Variants in PRAMEF14 observed in about 807,000 individuals in gnomAD.
PRAMEF14 encodes PRAME family member 14.
A neutral mutation model predicts 38.3 loss-of-function variants in PRAMEF14; 24 were observed. That is an observed-to-expected ratio of 0.63 (90% CI 0.45 to 0.88). The LOEUF is 0.88. PRAMEF14 is among the 40% of genes least tolerant of loss of function. The pLI is 0.00. For synonymous variants in PRAMEF14, 194 were observed against 226.4 expected, an observed-to-expected ratio of 0.86 and a Z score of 1.29; for missense variants, 477 against 570.8, an observed-to-expected ratio of 0.84 and a Z score of 1.67.
chr1:13,343,633 G>C, intron 3 of PRAMEF14: 3 of 1,321,190 alleles, frequency 2.3e-6, no homozygotes, highest in Non-Finnish European at 3.0e-6. Flanking sequence ...TCACTAAGCC[G>C]GTGAGGACAG....
Position 13,342,535 on chromosome 1 carries a change from C to A in PRAMEF14, c.1418G>T (p.Cys473Phe). The change falls in exon 4 of 4, where the codon TGC (cysteine) becomes TTC (phenylalanine). Residue 473 changes from cysteine (C) to phenylalanine (F), a missense_variant. Physicochemically the swap from Cys to Phe is radical, Grantham distance 205. Transcript: ENST00000334600. ...SPSEELELHL[C>F]C is the part of the protein sequence containing the mutation. ...CCGCTAGGCACGCCTTCCCTAGCAG[C>A]AAAGATGGAGCTCCAGTTCCTCAGA... 6.2e-7 allele frequency: 1 copy of A among 1,604,850 alleles called. No individual in the cohort carries two copies. Among genetic ancestry groups the A allele is most frequent in the Non-Finnish European group, 8.5e-7 (1 of 1,177,154 alleles).
In PRAMEF14 at chr1:13,343,681, C is replaced by A. The variant is rs1426714112; in HGVS notation, c.866+357G>T. On this transcript the variant is annotated intron_variant, in intron 3 of 3. Transcript: ENST00000334600. ...GAAATGGACAGGTTTGATGCGCTTT[C>A]CCTCCTTTCATACCCTCCTCTATTA... 56 of 1,343,412 alleles carry A rather than the reference C, an allele frequency of 4.2e-5. No homozygotes were observed. In the African/African-American group the frequency reaches 7.4e-4, roughly 18 times the overall value. The allele number at this position is 1,343,412 out of a possible 1,614,324, so 83.2% of individuals were successfully genotyped here.
chr1:13,342,799 C>T lies in PRAMEF14; in HGVS notation c.1154G>A (p.Gly385Asp). 2.5e-6 allele frequency: 4 copies of T among 1,606,566 alleles called. 1 individual carries two copies. Among genetic ancestry groups the T allele is most frequent in the East Asian group, 4.7e-5 (2 of 42,150 alleles). The stretch of plus-strand genomic sequence containing the variant: ...GGCACCCATAGACATACAATTTCTG[C>T]CAAAGTAGAAGGTGGTGAGCTGGGA... ...HCSQLTTFYF[G>D]RNCMSMGALK... is the part of the protein sequence containing the mutation. The change falls in exon 4 of 4, where the codon GGC becomes GAC. Residue 385 changes from glycine (G) to aspartate (D), a missense_variant. Physicochemically the swap from Gly to Asp is moderately conservative, Grantham distance 94. Around this residue, in one of 4 missense-constraint regions of PRAMEF14, gnomAD observed 151 missense variants for 137.4 expected, o/e 1.10. Coordinates refer to ENST00000334600, the MANE Select transcript of PRAMEF14 (RefSeq NM_001024661.2).
rs1219856793 is a variant in PRAMEF14, at chr1:13,344,451, T to G, written c.453A>C (p.Ile151=). ...GGGGTATTTCCTTGAGGCAGATGTC[T>G]ATGAACACCTTTAAGGGCTGGTGCT... ...MGEHQPLKVF[I]DICLKEIPQD... is the part of the protein sequence containing the mutation. Residue 151 remains isoleucine, a synonymous_variant, in exon 3 of 4, where the codon ATA becomes ATC. Transcript: ENST00000334600. 10 of 1,606,862 alleles carry G rather than the reference T, an allele frequency of 6.2e-6. No homozygotes were observed. Among genetic ancestry groups the G allele is most frequent in the Non-Finnish European group, 8.5e-6 (10 of 1,178,728 alleles).
intron 3 of PRAMEF14, chr1:13,343,837 C>A (rs1640364769): frequency 3.4e-6 from 5 of 1,492,122 alleles, no homozygotes; most frequent in South Asian, 1.3e-5. Context: ...CCCCAGGTGA[C>A]CCCTCTGCCC....
chr1:13,344,419 T>G lies in PRAMEF14; in HGVS notation c.485A>C (p.Glu162Ala). 6.2e-7 allele frequency: 1 copy of G among 1,604,702 alleles called. No individual in the cohort carries two copies. Among genetic ancestry groups the G allele is most frequent in the Non-Finnish European group, 8.5e-7 (1 of 1,177,078 alleles). Residue 162 changes from glutamate (E) to alanine (A), a missense_variant, in exon 3 of 4, where the codon GAA becomes GCA. Physicochemically the swap from Glu to Ala is moderately radical, Grantham distance 107. This residue lies in a region of PRAMEF14 where 234 missense variants were observed against 247.4 expected (regional missense o/e 0.95). Coordinates refer to ENST00000334600, the MANE Select transcript of PRAMEF14 (RefSeq NM_001024661.2). The stretch of plus-strand genomic sequence containing the variant: ...CCACTGAAAGAGGTATCTCAGGCAT[T>G]CATCCTGGGGTATTTCCTTGAGGCA... ...DICLKEIPQD[E>A]CLRYLFQWVY...
chr1:13,343,533 C>T (rs1328427407), intron 3 of PRAMEF14: 1 of 1,306,348 alleles, frequency 7.7e-7, no homozygotes, highest in African/African-American at 1.5e-5. Context: ...ACCTCCATCC[C>T]AGAAGCACAC....
rs765957919 is a variant in PRAMEF14, at chr1:13,342,882, C to T, written c.1071G>A (p.Glu357=). ...IAASLETLIL[E]GCQIHYSQLS... The stretch of plus-strand genomic sequence containing the variant: ...GTTGGGAGTAGTGGATCTGACAGCC[C>T]TCCAAGATGAGGGTTTCGAGAGAGG... The change falls in exon 4 of 4, where the codon GAG becomes GAA. Residue 357 remains glutamate (E), a synonymous_variant. Transcript: ENST00000334600. 7 of 1,608,864 alleles carry T rather than the reference C, an allele frequency of 4.4e-6. No homozygotes were observed. Among genetic ancestry groups the T allele is most frequent in the Non-Finnish European group, 5.9e-6 (7 of 1,178,900 alleles).
rs61745368 is a variant in PRAMEF14, at chr1:13,342,588, G to A, written c.1365C>T (p.Thr455=). ...GTGATGAGCCACAGGAAGGGCAGGG[G>A]GTGGGACCAATGAAGATCCTCTTGG... ...RQPKRIFIGP[T]PCPSCGSSPS... is the part of the protein sequence containing the mutation. Residue 455 remains threonine, a synonymous_variant, in exon 4 of 4, where the codon ACC becomes ACT. Coordinates refer to ENST00000334600, the MANE Select transcript of PRAMEF14 (RefSeq NM_001024661.2). 42 of 1,604,502 alleles carry A rather than the reference G, an allele frequency of 2.6e-5. 3 individuals are homozygous for A. Among genetic ancestry groups the A allele is most frequent in the Non-Finnish European group, 3.4e-5 (40 of 1,177,504 alleles).
Position 13,345,296 on chromosome 1 carries a change from G to T in PRAMEF14, c.19C>A (p.Pro7Thr). Reference sequence around the variant, plus strand: ...TGCCCTGCCAGCTCCAGGAGTCTGGGTGGGGCCTGGATGCTCATCCTGATA... The same window carrying T: ...TGCCCTGCCAGCTCCAGGAGTCTGGTTGGGGCCTGGATGCTCATCCTGATA... MSIQAP[P>T]RLLELAGQSL... The change falls in exon 2 of 4, where the codon CCC (proline) becomes ACC (threonine). Residue 7 changes from proline (P) to threonine (T), a missense_variant. By Grantham distance (38) the Pro-to-Thr change is conservative. Transcript: ENST00000334600. 1 of 1,607,100 alleles carries T rather than the reference G, an allele frequency of 6.2e-7. No homozygotes were observed. Among genetic ancestry groups the T allele is most frequent in the Non-Finnish European group, 8.5e-7 (1 of 1,178,468 alleles).
In PRAMEF14 at chr1:13,344,563, G is replaced by A; in HGVS notation, c.341C>T (p.Ala114Val). Residue 114 changes from alanine to valine, a missense_variant, in exon 3 of 4, where the codon GCC becomes GTC. Physicochemically the swap from Ala to Val is moderately conservative, Grantham distance 64. This residue lies in a region of PRAMEF14 where 234 missense variants were observed against 247.4 expected (regional missense o/e 0.95). Transcript: ENST00000334600. ...DLRDVDENFWARWPGAWALSC... is the reference protein window; with the variant it reads ...DLRDVDENFWVRWPGAWALSC... The stretch of plus-strand genomic sequence containing the variant: ...CAGGGCCCAGGCTCCAGGCCATCTG[G>A]CCCAGAAATTCTCATCAACATCCCG... 1 of 1,604,252 alleles carries A rather than the reference G, an allele frequency of 6.2e-7. No individual in the cohort carries two copies. Among genetic ancestry groups the A allele is most frequent in the African/African-American group, 1.3e-5 (1 of 74,736 alleles).
Position 13,344,243 on chromosome 1 carries a change from T to A in PRAMEF14, c.661A>T (p.Ile221Leu), listed in dbSNP as rs1388489272. 1.2e-6 allele frequency: 2 copies of A among 1,608,418 alleles called. No individual in the cohort carries two copies. Among genetic ancestry groups the A allele is most frequent in the African/African-American group, 1.3e-5 (1 of 74,754 alleles). Residue 221 changes from isoleucine (I) to leucine (L), a missense_variant, in exon 3 of 4, where the codon ATA becomes TTA. This residue lies in a region of PRAMEF14 where 234 missense variants were observed against 247.4 expected (regional missense o/e 0.95). Coordinates refer to ENST00000334600, the MANE Select transcript of PRAMEF14 (RefSeq NM_001024661.2). Reference sequence around the variant, plus strand: ...TTCAGGTAACAACGAAGCTTTCTTATCAGACGTGGCCAGGACATGTTGCGA... The same window carrying A: ...TTCAGGTAACAACGAAGCTTTCTTAACAGACGTGGCCAGGACATGTTGCGA... ...EIRNMSWPRL[I>L]RKLRCYLKEM...
Position 13,342,407 on chromosome 1 carries a change from T to C in PRAMEF14, c.*121A>G. On this transcript the variant is annotated 3_prime_UTR_variant, in exon 4 of 4. Transcript: ENST00000334600. ...ATTGTCTTTAATAAAAATTTTGGAA[T>C]TATTAAAAAATGAAATAAATAAGAA... 2.1e-6 allele frequency: 3 copies of C among 1,416,638 alleles called. No individual in the cohort carries two copies. Among genetic ancestry groups the C allele is most frequent in the Non-Finnish European group, 2.8e-6 (3 of 1,072,808 alleles). 87.8% of individuals were successfully genotyped at this position (1,416,638 alleles called of 1,614,324 possible). A position where few individuals can be genotyped will look rare whatever the true frequency, so the allele number is the denominator to read the frequency against.
chr1:13,343,881 A>G (rs2100351931), intron 3 of PRAMEF14, 157 bp downstream of exon 3: 2 of 1,507,586 alleles, frequency 1.3e-6, no homozygotes, highest in Non-Finnish European at 1.8e-6. Flanking sequence ...CCACTCCAGG[A>G]CATGGAACAC....
At position 13,344,950 on chromosome 1, in the gene PRAMEF14, G is replaced by A. The variant is rs1640382020; in HGVS notation, c.287+78C>T. 9 of 1,504,936 alleles carry A rather than the reference G, an allele frequency of 6.0e-6. 2 individuals are homozygous for A. The highest frequency in any genetic ancestry group is 3.5e-5 in the Admixed American group (2 of 56,920). The allele number at this position is 1,504,936 out of a possible 1,614,324, so 93.2% of individuals were successfully genotyped here. On this transcript the variant is annotated intron_variant, in intron 2 of 3. Transcript: ENST00000334600. Reference sequence around the variant, plus strand: ...TCAGAAGACTCTGGGCCACACTTGGGCTACTTCTCTGCCTGACCCTGCTGT... The same window carrying A: ...TCAGAAGACTCTGGGCCACACTTGGACTACTTCTCTGCCTGACCCTGCTGT...
chr1:13,344,443 C>A lies in PRAMEF14; in HGVS notation c.461G>T (p.Cys154Phe). ...TTCATCCTGGGGTATTTCCTTGAGGCAGATGTCTATGAACACCTTTAAGGG... is the reference window on the plus strand; with the variant it reads ...TTCATCCTGGGGTATTTCCTTGAGGAAGATGTCTATGAACACCTTTAAGGG... The part of the protein sequence containing the change: ...HQPLKVFIDI[C>F]LKEIPQDECL... Residue 154 changes from cysteine (C) to phenylalanine (F), a missense_variant, in exon 3 of 4, where the codon TGC becomes TTC. This residue lies in a region of PRAMEF14 where 234 missense variants were observed against 247.4 expected (regional missense o/e 0.95). Transcript: ENST00000334600. 3 of 1,606,696 alleles carry A rather than the reference C, an allele frequency of 1.9e-6. No homozygotes were observed. The highest frequency in any genetic ancestry group is 2.5e-6 in the Non-Finnish European group (3 of 1,178,516).
intron 1 of PRAMEF14, among the ~76,000 whole-genome samples, chr1:13,346,192 G>A (rs1640403004): frequency 1.3e-5 from 2 of 150,790 alleles, no homozygotes; most frequent in African/African-American, 2.4e-5. Flanking sequence ...GTATTCCACA[G>A]CATTTGGAAG....
At chr1:13,345,440 A>G in intron 1 of PRAMEF14, 101 bp from the exon 2 acceptor site, 3 of 1,372,154 alleles carry the variant, frequency 2.2e-6, no homozygotes, top group South Asian at 2.8e-5. Flanking sequence ...CCAAGGAGGG[A>G]GGGGTCAAGG....
rs562539015 is a variant in PRAMEF14, at chr1:13,342,511, C to T, written c.*17G>A. 65 of 1,604,826 alleles carry T rather than the reference C, an allele frequency of 4.1e-5. 2 individuals are homozygous for T. Among genetic ancestry groups the T allele is most frequent in the Admixed American group, 2.5e-4 (15 of 59,880 alleles). Reference sequence around the variant, plus strand: ...AAGAGAACTTTGGATTTCTCTACCCCGCTAGGCACGCCTTCCCTAGCAGCA... The same window carrying T: ...AAGAGAACTTTGGATTTCTCTACCCTGCTAGGCACGCCTTCCCTAGCAGCA... On this transcript the variant is annotated 3_prime_UTR_variant, in exon 4 of 4. Coordinates refer to ENST00000334600, the MANE Select transcript of PRAMEF14 (RefSeq NM_001024661.2).
Sources: allele counts gnomAD v4.1 joint callset (sites outside exome capture counted in the v4.1 genomes callset), GRCh38; gene constraint gnomAD v4.1.1; regional missense constraint gnomAD v4.1.1; transcripts MANE v1.5; gene names NCBI Gene and HGNC (gene_info 2026-07-23, HGNC 2026-07-21).